Variants in KLF12 observed in about 807,000 individuals in gnomAD.
The protein encoded by KLF12 is KLF transcription factor 12.
A neutral mutation model predicts 37.8 loss-of-function variants in KLF12; 9 were observed. That is an observed-to-expected ratio of 0.24 (90% CI 0.14 to 0.42). The LOEUF is 0.42. Ranked by LOEUF, KLF12 falls within the 10% of genes least tolerant of loss-of-function variation. The pLI is 1.00. For synonymous variants in KLF12, 208 were observed against 202.1 expected (o/e 1.03, Z -0.25); for missense variants, 411 against 516.0 (o/e 0.80, Z 1.97).
At chr13:73,760,778 A>C (rs767560622) in intron 6 of KLF12, among the ~76,000 whole-genome samples, 6 of 152,188 alleles carry the variant, frequency 3.9e-5, no homozygotes, top group Non-Finnish European at 7.4e-5. Flanking sequence ...TTATCAAGCA[A>C]CGACACATGC....
intron 1 of KLF12, among the ~76,000 whole-genome samples, chr13:74,128,373 G>A (rs1878062054): frequency 6.8e-6 from 1 of 146,992 alleles, no homozygotes; most frequent in Non-Finnish European, 1.5e-5. Context: ...TGTGGGGGCG[G>A]TGGAGGTATG....
the KLF12 span, among the ~76,000 whole-genome samples, chr13:74,161,229 A>G: frequency 6.6e-6 from 1 of 151,896 alleles, no homozygotes; most frequent in Non-Finnish European, 1.5e-5. Context: ...ATCACCTGTA[A>G]TGGGTTTTAT....
At chr13:74,304,546 T>C in the KLF12 span, among the ~76,000 whole-genome samples, 3 of 152,176 alleles carry the variant, frequency 2.0e-5, no homozygotes, top group Non-Finnish European at 4.4e-5. Flanking sequence ...AATATATTTT[T>C]AACTTAAAAT....
intron 3 of KLF12, among the ~76,000 whole-genome samples, chr13:73,857,905 T>A (rs953112090): frequency 6.6e-6 from 1 of 152,174 alleles, no homozygotes; most frequent in African/African-American, 2.4e-5. Flanking sequence ...GCAGGGAAAC[T>A]TTTTGTATAA....
chr13:74,270,728 G>T, the KLF12 span, among the ~76,000 whole-genome samples: 1 of 152,154 alleles, frequency 6.6e-6, no homozygotes, highest in East Asian at 1.9e-4. Context: ...GTAGCTGGTT[G>T]GGTAGATGTG....
At chr13:74,047,276 A>G (rs545639467) in intron 1 of KLF12, among the ~76,000 whole-genome samples, 2 of 152,164 alleles carry the variant, frequency 1.3e-5, no homozygotes, top group East Asian at 3.9e-4. Context: ...GCCAAGTGTT[A>G]AATTATCAGA....
chr13:73,813,391 T>C (rs1883047280), intron 4 of KLF12, 104 bp from the exon 5 acceptor site: 2 of 1,237,900 alleles, frequency 1.6e-6, no homozygotes, highest in East Asian at 2.3e-5. Context: ...ATCATGCAAA[T>C]GGAATTCTCT....
At chr13:73,954,073 G>A (rs754868928) in intron 2 of KLF12, among the ~76,000 whole-genome samples, 16 of 144,166 alleles carry the variant, frequency 1.1e-4, no homozygotes, top group Non-Finnish European at 2.4e-4. Flanking sequence ...CCACCTCCCG[G>A]GTTCACACCA....
chr13:74,066,940 C>G (rs972751017), intron 1 of KLF12, among the ~76,000 whole-genome samples: 1 of 152,024 alleles, frequency 6.6e-6, no homozygotes, highest in Admixed American at 6.6e-5. Context: ...AAGAACTTAC[C>G]CATAGCCCAA....
chr13:73,878,973 A>C (rs1347582625), intron 3 of KLF12, among the ~76,000 whole-genome samples: 2 of 152,184 alleles, frequency 1.3e-5, no homozygotes, highest in Non-Finnish European at 2.9e-5. Context: ...TGAGAAGGAA[A>C]GTTTTTGAAT....
chr13:73,920,402 C>G (rs1259945335), intron 3 of KLF12, among the ~76,000 whole-genome samples: 6 of 151,874 alleles, frequency 4.0e-5, no homozygotes, highest in Admixed American at 3.9e-4. Flanking sequence ...AGGTCTTGCT[C>G]AAGAAAATAC....
At chr13:73,849,797 GT>G (rs1239670038) in intron 3 of KLF12, among the ~76,000 whole-genome samples, 2 of 152,104 alleles carry the variant, frequency 1.3e-5, no homozygotes, top group Non-Finnish European at 2.9e-5. Flanking sequence ...ACTAAGTGGG[GT>G]TTTTTTGTTT....
chr13:74,241,876 C>T, the KLF12 span, among the ~76,000 whole-genome samples: 1 of 152,186 alleles, frequency 6.6e-6, no homozygotes, highest in African/African-American at 2.4e-5. Context: ...CCCGGTACCT[C>T]AGATGGAAAT....
chr13:74,235,888 C>A, the KLF12 span, among the ~76,000 whole-genome samples: 7,445 of 151,584 alleles, frequency 0.049, 460 homozygotes, highest in African/African-American at 0.14. Context: ...CTTTCATTCT[C>A]AGGTACCGAA....
At chr13:73,928,969 T>C (rs1421519905) in intron 3 of KLF12, among the ~76,000 whole-genome samples, 3 of 152,174 alleles carry the variant, frequency 2.0e-5, no homozygotes, top group Admixed American at 2.0e-4. Flanking sequence ...AGGATCACTC[T>C]CCAAGTAAAC....
Position 73,876,743 on chromosome 13 carries a change from G to A in KLF12, c.124-30370C>T, listed in dbSNP as rs144752042. Reference sequence around the variant, plus strand: ...GAAATACTTTTCTGTGGCTGGGCGCGGTGGCTTATGCCTGCAATCCCAGCA... The same window carrying A: ...GAAATACTTTTCTGTGGCTGGGCGCAGTGGCTTATGCCTGCAATCCCAGCA... On this transcript the variant is annotated intron_variant, in intron 3 of 7. Coordinates refer to ENST00000377669, the MANE Select transcript of KLF12 (RefSeq NM_007249.5). 7.9e-3 allele frequency among the ~76,000 whole-genome samples: 1,200 copies of A among 151,988 alleles called. 16 individuals are homozygous for A. The highest frequency in any genetic ancestry group is 0.027 in the African/African-American group (1,130 of 41,474).
the KLF12 span, among the ~76,000 whole-genome samples, chr13:74,215,099 T>A: frequency 6.6e-6 from 1 of 152,132 alleles, no homozygotes; most frequent in African/African-American, 2.4e-5. Flanking sequence ...GGCCTTACAC[T>A]AATTTTTGAT....
At chr13:74,100,495 G>A (rs1323471062) in intron 1 of KLF12, among the ~76,000 whole-genome samples, 1 of 152,082 alleles carries the variant, frequency 6.6e-6, no homozygotes, top group Non-Finnish European at 1.5e-5. Context: ...GCAGGCGCCT[G>A]TAATCCCAGC....
intron 5 of KLF12, among the ~76,000 whole-genome samples, chr13:73,808,491 C>T (rs11842744): frequency 0.19 from 28,474 of 151,984 alleles, 3,466 homozygotes; most frequent in East Asian, 0.46. Flanking sequence ...ATTCAGATTG[C>T]TGTTGTAGCC....
Sources: gnomAD v4.1 joint callset for allele counts (sites outside exome capture counted in the v4.1 genomes callset) on GRCh38, gnomAD v4.1.1 for gene constraint, MANE v1.5 for transcripts, NCBI Gene and HGNC (gene_info 2026-07-23, HGNC 2026-07-21) for gene names.